CNTLN: variants seen among roughly 807,000 people sequenced by gnomAD.
CNTLN encodes the protein centlein.
CNTLN carries 212 observed loss-of-function variants against 180.0 expected under a neutral mutation model. The observed-to-expected ratio is 1.18, with a 90% CI of 1.05 to 1.32. The LOEUF is 1.32. Ranked by LOEUF, CNTLN falls within the 40% of genes most tolerant of loss-of-function variation. CNTLN has a pLI of 0.00. For missense variants in CNTLN, 2,095 were observed against 1,610.9 expected (o/e 1.30, Z -5.14); for synonymous variants, 722 against 563.1 (o/e 1.28, Z -3.99).
intron 18 of CNTLN, among the ~76,000 whole-genome samples, chr9:17,420,580 C>T (rs1828639103): frequency 6.6e-6 from 1 of 151,080 alleles, no homozygotes; most frequent in South Asian, 2.1e-4. Context: ...TTTATTATTT[C>T]TTTTCTTCTA....
At chr9:17,297,857 T>C (rs980453007) in intron 6 of CNTLN, among the ~76,000 whole-genome samples, 3 of 152,230 alleles carry the variant, frequency 2.0e-5, no homozygotes, top group East Asian at 1.9e-4. Context: ...CTAATAACTA[T>C]AGCTGATCTT....
intron 16 of CNTLN, among the ~76,000 whole-genome samples, chr9:17,414,685 G>T (rs1045928233): frequency 2.6e-5 from 4 of 152,162 alleles, no homozygotes; most frequent in Non-Finnish European, 5.9e-5. Flanking sequence ...GTGTTAATCA[G>T]TTTCATGACT....
intron 2 of CNTLN, among the ~76,000 whole-genome samples, chr9:17,197,389 G>C (rs1452448585): frequency 6.6e-6 from 1 of 152,050 alleles, no homozygotes; most frequent in Non-Finnish European, 1.5e-5. Context: ...GATGATCAAT[G>C]ATGTTGAGCA....
chr9:17,422,697 C>G (rs1315394776), intron 18 of CNTLN, among the ~76,000 whole-genome samples: 4 of 152,100 alleles, frequency 2.6e-5, no homozygotes, highest in Admixed American at 2.6e-4. Context: ...CTCTGTCACC[C>G]TGGGATTGGT....
chr9:17,312,365 T>TATATATAATATATATATATATA (rs1819221085), intron 8 of CNTLN, among the ~76,000 whole-genome samples: 58 of 7,200 alleles, frequency 8.1e-3, no homozygotes, highest in African/African-American at 0.013. Flanking sequence ...ATATATATAT[T>TATATATAATATATATATATATA]ATATATATAT....
intron 23 of CNTLN, among the ~76,000 whole-genome samples, chr9:17,478,920 C>T (rs1321329715): frequency 6.6e-6 from 1 of 152,116 alleles, no homozygotes; most frequent in Non-Finnish European, 1.5e-5. Context: ...ACAGACTTCT[C>T]CAAAACACAC....
chr9:17,374,212 C>G (rs1463828896), intron 13 of CNTLN, among the ~76,000 whole-genome samples: 1 of 151,942 alleles, frequency 6.6e-6, no homozygotes, highest in African/African-American at 2.4e-5. Flanking sequence ...TGCAAACTAC[C>G]CATCTAACAG....
intron 23 of CNTLN, among the ~76,000 whole-genome samples, chr9:17,475,593 C>T (rs886702194): frequency 6.6e-6 from 1 of 151,774 alleles, no homozygotes; most frequent in African/African-American, 2.4e-5. Context: ...AAGATAGGGG[C>T]CGGGCACAGT....
intron 6 of CNTLN, among the ~76,000 whole-genome samples, chr9:17,287,577 G>T (rs969358054): frequency 1.3e-3 from 200 of 149,514 alleles, no homozygotes; most frequent in African/African-American, 4.5e-3. Context: ...GTTTCAGAAG[G>T]AATGGTACCA....
At chr9:17,318,628 C>A (rs79838216) in intron 8 of CNTLN, among the ~76,000 whole-genome samples, 2,776 of 152,188 alleles carry the variant, frequency 0.018, 84 homozygotes, top group African/African-American at 0.064. Context: ...TTTTTTGAGG[C>A]AAGAAAGATT....
At chr9:17,341,008 A>G in intron 11 of CNTLN, 60 bp downstream of exon 11, 1 of 1,429,250 alleles carries the variant, frequency 7.0e-7, no homozygotes, top group Non-Finnish European at 9.3e-7. Context: ...GAGTAGCATT[A>G]TATAGGTGTC....
At chr9:17,261,079 G>A (rs756463016) in intron 5 of CNTLN, among the ~76,000 whole-genome samples, 68 of 151,520 alleles carry the variant, frequency 4.5e-4, no homozygotes, top group Non-Finnish European at 7.8e-4. Flanking sequence ...GGTTACTGTA[G>A]CCCTGTAGTA....
intron 25 of CNTLN, chr9:17,487,305 T>C: frequency 2.1e-6 from 1 of 466,190 alleles, no homozygotes; most frequent in Non-Finnish European, 3.8e-6. Context: ...ATTAATTAAA[T>C]TATTGAGTCA....
intron 2 of CNTLN, among the ~76,000 whole-genome samples, chr9:17,223,293 T>C (rs1023119028): frequency 6.6e-6 from 1 of 152,062 alleles, no homozygotes; most frequent in African/African-American, 2.4e-5. Flanking sequence ...AAAGTGAAAC[T>C]GAGGGTAAGG....
intron 5 of CNTLN, among the ~76,000 whole-genome samples, chr9:17,265,362 G>A (rs990088809): frequency 3.3e-5 from 5 of 152,178 alleles, no homozygotes; most frequent in East Asian, 1.9e-4. Flanking sequence ...TGCGTATGTT[G>A]TAACAGCCTT....
chr9:17,386,302 C>A (rs1301508919), intron 13 of CNTLN, among the ~76,000 whole-genome samples: 6 of 150,750 alleles, frequency 4.0e-5, no homozygotes, highest in Non-Finnish European at 8.9e-5. Flanking sequence ...TATGAATAAG[C>A]AAAATTAAAG....
At chr9:17,181,415 TGAG>T (rs1487791601) in intron 2 of CNTLN, among the ~76,000 whole-genome samples, 1 of 152,258 alleles carries the variant, frequency 6.6e-6, no homozygotes, top group African/African-American at 2.4e-5. Context: ...GTTTCTTTGC[TGAG>T]GCTTCCAATT....
chr9:17,372,218 C>T (rs1824381779), intron 13 of CNTLN, among the ~76,000 whole-genome samples: 1 of 151,856 alleles, frequency 6.6e-6, no homozygotes, highest in Non-Finnish European at 1.5e-5. Flanking sequence ...AACGTTTAAC[C>T]AGACTAAGAA....
Position 17,487,021 on chromosome 9 carries a change from T to TCA in CNTLN, c.4074_4075insCA (p.Asp1359GlnfsTer24). On this transcript the variant is annotated frameshift_variant, in exon 25 of 26. Coordinates refer to ENST00000380647, the MANE Select transcript of CNTLN (RefSeq NM_017738.4). LOFTEE classifies it high-confidence loss of function. Reference sequence around the variant, plus strand: ...AAAAAACAAAAATTGATGCTGAAAATGACAAGGAATGGATGTTGTACATTC... The same window carrying TCA: ...AAAAAACAAAAATTGATGCTGAAAATCAGACAAGGAATGGATGTTGTACATTC... The TCA allele has an allele frequency of 1.3e-6, 2 of 1,581,466 alleles. No homozygotes were observed. Among genetic ancestry groups the TCA allele is most frequent in the Non-Finnish European group, 1.7e-6 (2 of 1,170,754 alleles).
Sources: allele counts gnomAD v4.1 joint callset (sites outside exome capture counted in the v4.1 genomes callset), GRCh38; gene constraint gnomAD v4.1.1; transcripts MANE v1.5; gene names NCBI Gene and HGNC (gene_info 2026-07-23, HGNC 2026-07-21).